The following CNTN4 variants were observed in gnomAD, a reference collection of about 807,000 sequenced individuals.
The protein encoded by CNTN4 is contactin-4.
Under a neutral mutation model 122.5 loss-of-function variants are expected in CNTN4, and 77 were observed. The observed-to-expected ratio is 0.63, with a 90% confidence interval of 0.52 to 0.76. CNTN4 has a LOEUF of 0.76. Among genes scored for constraint, CNTN4 ranks in the 30% least tolerant of loss-of-function variants. CNTN4 has a pLI of 0.00. For synonymous variants in CNTN4, 512 were observed against 447.0 expected, an observed-to-expected ratio of 1.15 and a Z score of -1.83; for missense variants, 1,256 against 1,259.1, an observed-to-expected ratio of 1.00 and a Z score of 0.04.
At chr3:3,004,773 C>T (rs574727235) in intron 14 of CNTN4, among the ~76,000 whole-genome samples, 3 of 152,330 alleles carry the variant, frequency 2.0e-5, no homozygotes, top group South Asian at 2.1e-4. Context: ...CAGTGTCTGG[C>T]CAAATGGCCG....
At chr3:2,361,037 C>T (rs761833791) in intron 3 of CNTN4, among the ~76,000 whole-genome samples, 1 of 152,038 alleles carries the variant, frequency 6.6e-6, no homozygotes. Flanking sequence ...TGTATTGTTG[C>T]TTTTCTTAAG....
At chr3:3,005,007 C>T (rs796492500) in intron 14 of CNTN4, among the ~76,000 whole-genome samples, 8 of 152,354 alleles carry the variant, frequency 5.3e-5, no homozygotes, top group South Asian at 2.1e-4. Context: ...TCACCTTTAG[C>T]GTCATTCTTC....
intron 2 of CNTN4, among the ~76,000 whole-genome samples, chr3:2,152,356 C>G (rs2035529888): frequency 6.6e-6 from 1 of 152,132 alleles, no homozygotes; most frequent in South Asian, 2.1e-4. Context: ...AAACCACTGT[C>G]AGGACTTCCG....
chr3:2,609,196 T>C (rs1313010931), intron 4 of CNTN4, among the ~76,000 whole-genome samples: 2 of 152,240 alleles, frequency 1.3e-5, no homozygotes, highest in Non-Finnish European at 2.9e-5. Context: ...TGTGGAGATA[T>C]TAAGCAGTGT....
chr3:2,579,319 ATC>A (rs2079833249), intron 4 of CNTN4, among the ~76,000 whole-genome samples: 2 of 152,220 alleles, frequency 1.3e-5, no homozygotes, highest in African/African-American at 4.8e-5. Context: ...AACCTGTGTG[ATC>A]ATTCTCTGTT....
chr3:2,610,445 G>A (rs895149619), intron 4 of CNTN4, among the ~76,000 whole-genome samples: 1 of 152,166 alleles, frequency 6.6e-6, no homozygotes, highest in African/African-American at 2.4e-5. Context: ...AAATGATTCA[G>A]TCAGTCAGTT....
At chr3:2,537,234 C>T (rs1037946852) in intron 3 of CNTN4, among the ~76,000 whole-genome samples, 7 of 151,896 alleles carry the variant, frequency 4.6e-5, no homozygotes, top group East Asian at 1.9e-4. Flanking sequence ...AATACTGTCC[C>T]GAAGATATAT....
intron 6 of CNTN4, among the ~76,000 whole-genome samples, chr3:2,753,921 G>T (rs907278458): frequency 2.0e-5 from 3 of 152,120 alleles, no homozygotes; most frequent in African/African-American, 7.2e-5. Context: ...TTGGTTTCAG[G>T]TTTTATAATG....
intron 2 of CNTN4, among the ~76,000 whole-genome samples, chr3:2,208,134 T>C (rs895247966): frequency 6.6e-6 from 1 of 152,156 alleles, no homozygotes; most frequent in African/African-American, 2.4e-5. Flanking sequence ...ATCAGTACCA[T>C]AGATAGTGAT....
At chr3:2,498,101 T>G (rs1266387293) in intron 3 of CNTN4, among the ~76,000 whole-genome samples, 3 of 152,234 alleles carry the variant, frequency 2.0e-5, no homozygotes, top group Non-Finnish European at 4.4e-5. Context: ...CATTGAATAT[T>G]ACTACTTAAT....
chr3:3,042,408 A>T lies in CNTN4; in HGVS notation c.2497A>T (p.Ile833Leu), dbSNP rs948970590. 6.2e-7 allele frequency: 1 copy of T among 1,609,972 alleles called. No homozygotes were observed. ...CCCACTGGAGAAGAATAGAGGACGAATACAAGGTTATGAGGTAGGCAAGAC... is the reference window on the plus strand; with the variant it reads ...CCCACTGGAGAAGAATAGAGGACGATTACAAGGTTATGAGGTAGGCAAGAC... ...ASPLEKNRGR[I>L]QGYEVKYWRH... The change falls in exon 21 of 25, where the codon ATA (isoleucine) becomes TTA (leucine). Residue 833 changes from isoleucine to leucine, a missense_variant. Ile to Leu is a conservative substitution (Grantham distance 5, BLOSUM62 2). Coordinates refer to ENST00000418658, the MANE Select transcript of CNTN4 (RefSeq NM_175607.3).
intron 2 of CNTN4, among the ~76,000 whole-genome samples, chr3:2,122,134 G>A (rs1229305099): frequency 7.5e-5 from 11 of 146,520 alleles, no homozygotes; most frequent in East Asian, 4.0e-4. Flanking sequence ...CAGCCTGGGC[G>A]ACAGAGCGAC....
intron 6 of CNTN4, among the ~76,000 whole-genome samples, chr3:2,778,801 G>A (rs1312712139): frequency 1.3e-5 from 2 of 152,062 alleles, no homozygotes; most frequent in African/African-American, 4.8e-5. Context: ...ATTCTTTAGG[G>A]CTTTCACCAA....
intron 14 of CNTN4, among the ~76,000 whole-genome samples, chr3:3,010,083 A>C (rs1697072922): frequency 6.6e-6 from 1 of 152,020 alleles, no homozygotes; most frequent in African/African-American, 2.4e-5. Context: ...ACACTCACTA[A>C]ATCCCTGCTA....
chr3:2,961,183 TTGGACCACTG>T (rs2094853503), intron 13 of CNTN4, among the ~76,000 whole-genome samples: 1 of 132,498 alleles, frequency 7.5e-6, no homozygotes, highest in Admixed American at 8.4e-5. Flanking sequence ...TGAGCCGAGA[TTGGACCACTG>T]CACTCCAGCC....
intron 2 of CNTN4, among the ~76,000 whole-genome samples, chr3:2,206,877 C>CTT (rs71056400): frequency 1.8e-4 from 25 of 142,460 alleles, no homozygotes; most frequent in African/African-American, 5.9e-4. Context: ...GCAGATACTG[C>CTT]TTTTTTTTTT....
intron 6 of CNTN4, among the ~76,000 whole-genome samples, chr3:2,768,500 G>C (rs1239346899): frequency 6.6e-6 from 1 of 152,164 alleles, no homozygotes; most frequent in Non-Finnish European, 1.5e-5. Flanking sequence ...GTCTTGTTCA[G>C]CTTGCTGTAG....
chr3:2,582,842 T>C (rs1160733372), intron 4 of CNTN4, among the ~76,000 whole-genome samples: 1 of 151,456 alleles, frequency 6.6e-6, no homozygotes, highest in Admixed American at 6.6e-5. Context: ...GAGTCAGTAA[T>C]TAAACTTCCC....
At chr3:2,364,955 C>T (rs1403414185) in intron 3 of CNTN4, among the ~76,000 whole-genome samples, 3 of 152,112 alleles carry the variant, frequency 2.0e-5, no homozygotes, top group Non-Finnish European at 4.4e-5. Flanking sequence ...GTATTGGAGA[C>T]ATTTTTCAAA....
Sources: allele counts gnomAD v4.1 joint callset (sites outside exome capture counted in the v4.1 genomes callset), GRCh38; gene constraint gnomAD v4.1.1; transcripts MANE v1.5; gene names NCBI Gene and HGNC (gene_info 2026-07-23, HGNC 2026-07-21).